The following MED27 variants were observed in gnomAD, a reference collection of about 807,000 sequenced individuals.
The protein encoded by MED27 is mediator of RNA polymerase II transcription subunit 27.
MED27 carries 30 observed loss-of-function variants against 38.2 expected under a neutral mutation model. The ratio of observed to expected loss-of-function variants is 0.79; its 90% CI spans 0.59 to 1.07. MED27 has a LOEUF of 1.07. Among genes scored for constraint, MED27 ranks in the 50% least tolerant of loss-of-function variants. The pLI is 0.00. For missense variants in MED27, 289 were observed against 397.5 expected (o/e 0.73, Z 2.32); for synonymous variants, 122 against 153.5 (o/e 0.79, Z 1.52).
chr9:132,042,992 C>A (rs761318823), intron 2 of MED27, among the ~76,000 whole-genome samples: 7 of 152,048 alleles, frequency 4.6e-5, no homozygotes, highest in Non-Finnish European at 1.0e-4. Context: ...TTTTGAGGGA[C>A]AAGGTAAGTT....
chr9:131,963,505 T>C (rs62581866), intron 3 of MED27, among the ~76,000 whole-genome samples: 250 of 152,226 alleles, frequency 1.6e-3, no homozygotes, highest in Non-Finnish European at 3.0e-3. Flanking sequence ...CACTAACAGC[T>C]GTAAGGAGCC....
At chr9:131,934,686 A>G (rs1440977791) in intron 4 of MED27, among the ~76,000 whole-genome samples, 1 of 152,210 alleles carries the variant, frequency 6.6e-6, no homozygotes, top group African/African-American at 2.4e-5. Context: ...GAGCTACCAT[A>G]TGACCCAGCA....
intron 2 of MED27, among the ~76,000 whole-genome samples, chr9:132,047,046 C>T (rs534906775): frequency 2.0e-5 from 3 of 152,080 alleles, no homozygotes; most frequent in South Asian, 2.1e-4. Context: ...CCTTAGAGAG[C>T]GTATGTGGTG....
chr9:131,869,723 C>T (rs1203813993), intron 6 of MED27, among the ~76,000 whole-genome samples: 1 of 152,148 alleles, frequency 6.6e-6, no homozygotes, highest in Non-Finnish European at 1.5e-5. Flanking sequence ...AGACAGGCCT[C>T]ACAAAGAGGG....
At chr9:132,016,138 A>G (rs1312846889) in intron 2 of MED27, among the ~76,000 whole-genome samples, 1 of 152,228 alleles carries the variant, frequency 6.6e-6, no homozygotes, top group African/African-American at 2.4e-5. Flanking sequence ...AAGGGCAATA[A>G]TGTTCTGAAA....
chr9:131,927,860 C>A (rs1045953745), intron 4 of MED27, among the ~76,000 whole-genome samples: 1 of 152,146 alleles, frequency 6.6e-6, no homozygotes, highest in Admixed American at 6.5e-5. Context: ...ACTGGACCTG[C>A]CACGAGGGAC....
intron 2 of MED27, among the ~76,000 whole-genome samples, chr9:132,061,183 C>T (rs749963708): frequency 6.6e-6 from 1 of 152,166 alleles, no homozygotes; most frequent in African/African-American, 2.4e-5. Context: ...GGATGCTGAA[C>T]CTTAACTTCA....
chr9:131,931,044 A>C (rs1320299192), intron 4 of MED27, among the ~76,000 whole-genome samples: 1 of 152,148 alleles, frequency 6.6e-6, no homozygotes, highest in Non-Finnish European at 1.5e-5. Context: ...CAGGAGTTCA[A>C]GATCAGCCTG....
chr9:131,932,683 A>C (rs544444361), intron 4 of MED27, among the ~76,000 whole-genome samples: 7 of 152,260 alleles, frequency 4.6e-5, no homozygotes, highest in African/African-American at 1.7e-4. Context: ...AATTCTACCA[A>C]ACATTTAAAG....
intron 5 of MED27, among the ~76,000 whole-genome samples, chr9:131,884,605 CTTTTTT>C (rs11331082): frequency 8.1e-6 from 1 of 122,706 alleles, no homozygotes. Context: ...ATTCTCTTTA[CTTTTTT>C]TTTTTTTTTT....
At chr9:131,927,647 G>A (rs539926053) in intron 4 of MED27, among the ~76,000 whole-genome samples, 2 of 152,264 alleles carry the variant, frequency 1.3e-5, no homozygotes, top group East Asian at 3.9e-4. Context: ...CTCAGGCTAG[G>A]AGGTGACTAC....
At position 131,871,464 on chromosome 9, in the gene MED27, T is replaced by C. The variant is rs1838832287; in HGVS notation, c.724-8324A>G. Among the ~76,000 whole-genome samples, 3 of 152,272 alleles carry C rather than the reference T, an allele frequency of 2.0e-5. No homozygotes were observed. The South Asian group carries it at 6.2e-4, about 32-fold the overall frequency. On this transcript the variant is annotated intron_variant, in intron 6 of 7. Coordinates refer to ENST00000292035, the MANE Select transcript of MED27 (RefSeq NM_004269.4). ...TTCCTCTTTAAAAAGCAAGGGCCTG[T>C]TGGGCTCCTTGAAGGGGAAAAGTTA... is the stretch of plus-strand genomic sequence containing the variant.
intron 2 of MED27, among the ~76,000 whole-genome samples, chr9:132,062,859 G>T (rs1182167167): frequency 1.3e-5 from 2 of 152,142 alleles, no homozygotes; most frequent in Admixed American, 1.3e-4. Context: ...CTGGGCTCAA[G>T]CTATCCTTAG....
chr9:131,903,469 C>A (rs576889140), intron 4 of MED27, among the ~76,000 whole-genome samples: 2 of 152,128 alleles, frequency 1.3e-5, no homozygotes, highest in Non-Finnish European at 2.9e-5. Flanking sequence ...CCCCATTAGT[C>A]CCCTCGGCAC....
At chr9:131,911,049 T>C (rs1417500495) in intron 4 of MED27, among the ~76,000 whole-genome samples, 2 of 152,102 alleles carry the variant, frequency 1.3e-5, no homozygotes, top group Admixed American at 1.3e-4. Flanking sequence ...TAAACATACA[T>C]ACTAATTAGG....
At chr9:131,966,831 C>T (rs1264331576) in intron 3 of MED27, among the ~76,000 whole-genome samples, 1 of 152,178 alleles carries the variant, frequency 6.6e-6, no homozygotes, top group East Asian at 1.9e-4. Context: ...CTAATAATAT[C>T]AACCTCACAG....
At chr9:131,904,954 C>T (rs1416598928) in intron 4 of MED27, among the ~76,000 whole-genome samples, 1 of 152,154 alleles carries the variant, frequency 6.6e-6, no homozygotes, top group African/African-American at 2.4e-5. Context: ...CATCTCGTCT[C>T]CCTTTCAATA....
rs1190796011 is a variant in MED27, at chr9:131,861,018, G to A, written c.802-346C>T. Among the ~76,000 whole-genome samples the A allele has an allele frequency of 6.6e-6, 1 of 152,128 alleles. No homozygotes were observed. Among genetic ancestry groups the A allele is most frequent in the East Asian group, 1.9e-4 (1 of 5,194 alleles). ...TTTCTGGGTCCCATGTCTTCTGAAT[G>A]TCAGTATCCATCCTCTTCTCCTTGC... On this transcript the variant is annotated intron_variant, in intron 7 of 7. Transcript: ENST00000292035. The surrounding 1 kb of genome is among the most constrained non-coding windows in gnomAD (Gnocchi z 4.4).
chr9:132,056,418 C>T (rs755933000), intron 2 of MED27, among the ~76,000 whole-genome samples: 86 of 152,250 alleles, frequency 5.6e-4, no homozygotes, highest in African/African-American at 1.8e-3. Flanking sequence ...AAATGAGAAT[C>T]GCTGGGTGAA....
Sources: allele counts gnomAD v4.1 joint callset (sites outside exome capture counted in the v4.1 genomes callset), GRCh38; gene constraint gnomAD v4.1.1; non-coding constraint Gnocchi (gnomAD v3.1); transcripts MANE v1.5; gene names NCBI Gene and HGNC (gene_info 2026-07-23, HGNC 2026-07-21).